XG: variants seen among roughly 807,000 people sequenced by gnomAD.
XG encodes Xg glycoprotein (Xg blood group).
Under a neutral mutation model 25.7 loss-of-function variants are expected in XG, and 24 were observed. The observed-to-expected ratio is 0.93, with a 90% confidence interval of 0.68 to 1.31. The LOEUF (loss-of-function observed/expected upper bound fraction) is 1.31, where lower values mean the gene tolerates loss of function less well. Ranked by LOEUF, XG falls within the 40% of genes most tolerant of loss-of-function variation. XG has a pLI of 0.00. For synonymous variants in XG, 77 were observed against 69.2 expected (o/e 1.11, Z -0.56); for missense variants, 181 against 187.6 (o/e 0.96, Z 0.21).
rs752233796 is a variant in XG at position 2,774,736 on chromosome X, T to A, written c.124T>A (p.Ser42Thr). ...DDPEPTKKPN[S>T]DIYPKPKPPY... ...CACAGAACCCACCAAGAAGCCAAAC[T>A]CAGGTGAGTGTCTCTTCAGCTGGGA... is the stretch of plus-strand genomic sequence containing the variant. The change falls in exon 3 of 11, where the codon TCA (serine) becomes ACA (threonine). Residue 42 changes from serine (S) to threonine (T), a missense_variant. Ser to Thr is a moderately conservative substitution (Grantham distance 58). Coordinates refer to ENST00000644266, the MANE Select transcript of XG (RefSeq NM_001141919.2). The A allele has an allele frequency of 9.3e-6, 15 of 1,613,824 alleles. No individual in the cohort carries two copies. Among genetic ancestry groups the A allele is most frequent in the Non-Finnish European group, 1.2e-5 (14 of 1,179,842 alleles).
intron 4 of XG, among the ~76,000 whole-genome samples, chrX:2,787,676 G>A (rs1304480580): frequency 2.7e-5 from 3 of 110,351 alleles, no homozygotes; most frequent in Non-Finnish European, 5.7e-5. Context: ...AGAGGCCGAC[G>A]TGGGTGGATC....
chrX:2,808,064 A>C (rs2147094927), intron 8 of XG, 121 bp from the exon 9 acceptor site: 1 of 790,304 alleles, frequency 1.3e-6, no homozygotes, highest in African/African-American at 2.1e-5. Flanking sequence ...CAAGAATGTA[A>C]ATTCCCTGAA....
At chrX:2,780,323 T>A (rs1015600529) in intron 3 of XG, among the ~76,000 whole-genome samples, 7 of 151,752 alleles carry the variant, frequency 4.6e-5, no homozygotes, top group African/African-American at 1.7e-4. Context: ...CCAGCTGATG[T>A]GTGTTAGAAA....
Position 2,774,746 on chromosome X carries a change from G to A in XG, c.127+7G>A. 6.2e-7 allele frequency: 1 copy of A among 1,613,840 alleles called. No individual in the cohort carries two copies. ...ACCAAGAAGCCAAACTCAGGTGAGTGTCTCTTCAGCTGGGAAAAACTGAGG... is the reference window on the plus strand; with the variant it reads ...ACCAAGAAGCCAAACTCAGGTGAGTATCTCTTCAGCTGGGAAAAACTGAGG... On this transcript the variant is annotated splice_region_variant and intron_variant, in intron 3 of 10. Coordinates refer to ENST00000644266, the MANE Select transcript of XG (RefSeq NM_001141919.2).
In XG at chrX:2,766,222, T is replaced by C. The variant is rs188510455; in HGVS notation, c.62-4328T>C. Among the ~76,000 whole-genome samples the C allele has an allele frequency of 7.6e-4, 115 of 152,100 alleles. No individual in the cohort carries two copies. In the East Asian group the frequency reaches 0.021, roughly 27 times the overall value. Reference sequence around the variant, plus strand: ...GTGGCACAGTCTTGGCTCACTGCAATCTCCACCTCCCAGGTTCAAGCAATT... The same window carrying C: ...GTGGCACAGTCTTGGCTCACTGCAACCTCCACCTCCCAGGTTCAAGCAATT... On this transcript the variant is annotated intron_variant, in intron 1 of 10. Coordinates refer to ENST00000644266, the MANE Select transcript of XG (RefSeq NM_001141919.2).
At position 2,752,195 on chromosome X, in the gene XG, A is replaced by T. The variant is rs1269027109; in HGVS notation, c.-80A>T. On this transcript the variant is annotated 5_prime_UTR_variant, in exon 1 of 11. Transcript: ENST00000644266. ...CCAAGCTGGGAGACCAGAAGTCAAC[A>T]ACAGGAGGGTGGAGAGGCCGGGTCT... 4.4e-6 allele frequency: 7 copies of T among 1,604,812 alleles called. No individual in the cohort carries two copies. Among genetic ancestry groups the T allele is most frequent in the Middle Eastern group, 1.7e-4 (1 of 6,010 alleles).
At chrX:2,803,833 TTTC>T (rs1200074605) in intron 7 of XG, among the ~76,000 whole-genome samples, 1 of 111,453 alleles carries the variant, frequency 9.0e-6, no homozygotes, top group Non-Finnish European at 1.9e-5. Flanking sequence ...TAATTTTTCT[TTTC>T]TTTTCTTCTT....
intron 5 of XG, among the ~76,000 whole-genome samples, chrX:2,792,080 C>T (rs761300720): frequency 3.6e-5 from 4 of 110,853 alleles, no homozygotes; most frequent in Non-Finnish European, 7.6e-5. Context: ...GTCAGGAGTT[C>T]GAGACCAGCC....
chrX:2,763,957 A>G (rs1488307794), intron 1 of XG, among the ~76,000 whole-genome samples: 1 of 152,216 alleles, frequency 6.6e-6, no homozygotes, highest in East Asian at 1.9e-4. Context: ...TGAGGCCGAG[A>G]GCTGCCGGGC....
At chrX:2,764,360 T>C (rs777648681) in intron 1 of XG, among the ~76,000 whole-genome samples, 2 of 152,330 alleles carry the variant, frequency 1.3e-5, no homozygotes, top group East Asian at 1.9e-4. Context: ...TTTCATTTTA[T>C]GGACTCGCCG....
At chrX:2,764,035 T>G (rs953236719) in intron 1 of XG, among the ~76,000 whole-genome samples, 1 of 152,004 alleles carries the variant, frequency 6.6e-6, no homozygotes, top group African/African-American at 2.4e-5. Flanking sequence ...AAGAAACAAG[T>G]CATAAAGACC....
chrX:2,805,573 G>T (rs1385877565), intron 7 of XG, among the ~76,000 whole-genome samples: 5 of 107,658 alleles, frequency 4.6e-5, no homozygotes, highest in African/African-American at 1.7e-4. Context: ...GGGTGGCTTA[G>T]AAACAGCAGA....
chrX:2,775,904 C>T (rs1384503781), intron 3 of XG, among the ~76,000 whole-genome samples: 1 of 145,052 alleles, frequency 6.9e-6, no homozygotes, highest in Non-Finnish European at 1.5e-5. Context: ...TGCAGTGAGC[C>T]GAGATCATGC....
intron 2 of XG, among the ~76,000 whole-genome samples, chrX:2,773,242 GA>G: frequency 1.4e-5 from 2 of 145,044 alleles, no homozygotes; most frequent in African/African-American, 2.6e-5. Context: ...GAAGGAAGAA[GA>G]AAGGAGAGGA....
chrX:2,776,458 G>C (rs1162166022), intron 3 of XG, among the ~76,000 whole-genome samples: 10 of 152,094 alleles, frequency 6.6e-5, no homozygotes, highest in African/African-American at 4.8e-5. Flanking sequence ...TATCTTATCA[G>C]TTAACTGCAT....
chrX:2,811,277 A>C (rs2087052890), intron 9 of XG, 59 bp from the exon 10 acceptor site: 1 of 953,405 alleles, frequency 1.0e-6, no homozygotes, highest in Admixed American at 2.4e-5. Context: ...ATATTTAAGC[A>C]GTTTTCCTGC....
intron 2 of XG, among the ~76,000 whole-genome samples, chrX:2,774,502 C>T (rs1202716272): frequency 2.0e-5 from 3 of 152,086 alleles, no homozygotes; most frequent in Non-Finnish European, 4.4e-5. Flanking sequence ...TGTGGGCATC[C>T]TCACAGCCTC....
intron 1 of XG, among the ~76,000 whole-genome samples, chrX:2,763,596 C>A (rs2050612730): frequency 1.3e-5 from 2 of 152,146 alleles, no homozygotes; most frequent in African/African-American, 4.8e-5. Context: ...CCTCCTTAAC[C>A]AATGACAAAT....
At chrX:2,768,334 G>A (rs756679071) in intron 1 of XG, among the ~76,000 whole-genome samples, 82 of 152,310 alleles carry the variant, frequency 5.4e-4, no homozygotes, top group African/African-American at 1.9e-3. Context: ...TAGCCGGGAC[G>A]CTTAACTTTG....
Sources: allele counts gnomAD v4.1 joint callset (sites outside exome capture counted in the v4.1 genomes callset), GRCh38; gene constraint gnomAD v4.1.1; transcripts MANE v1.5; gene names NCBI Gene and HGNC (gene_info 2026-07-23, HGNC 2026-07-21).